Variants in GUSB observed in about 807,000 individuals in gnomAD.
GUSB encodes the protein glucuronidase beta, also known as beta-glucuronidase.
Under a neutral mutation model 74.6 loss-of-function variants are expected in GUSB, and 51 were observed. That is an observed-to-expected ratio of 0.68 (90% CI 0.55 to 0.86). The LOEUF is 0.86. GUSB is among the 40% of genes least tolerant of loss of function. The probability of loss-of-function intolerance (pLI) is 0.00; values close to 1 mark genes in which losing one functional copy is unlikely to be tolerated. For synonymous variants in GUSB, 360 were observed against 348.3 expected (o/e 1.03, Z -0.37); for missense variants, 736 against 853.7 (o/e 0.86, Z 1.72).
At chr7:65,966,559 G>C (rs971707352) in intron 10 of GUSB, among the ~76,000 whole-genome samples, 2 of 152,186 alleles carry the variant, frequency 1.3e-5, no homozygotes, top group Non-Finnish European at 2.9e-5. Flanking sequence ...TTGGGAGTCT[G>C]AGGCAGGACA....
intron 9 of GUSB, among the ~76,000 whole-genome samples, chr7:65,968,490 C>T (rs1232645616): frequency 6.6e-6 from 1 of 152,188 alleles, no homozygotes; most frequent in Non-Finnish European, 1.5e-5. Flanking sequence ...GGAACTGACT[C>T]CTCTCCAGGC....
chr7:65,975,034 G>C lies in GUSB; in HGVS notation c.950C>G (p.Ser317Cys). 1.2e-6 allele frequency: 2 copies of C among 1,613,512 alleles called. No homozygotes were observed. The highest frequency in any genetic ancestry group is 1.7e-6 in the Non-Finnish European group (2 of 1,179,522). ...CCCCACAGGGAGTGTGTAGAAGTCAGACACAGGCCCCAGTGACGTCTGTGC... is the reference window on the plus strand; with the variant it reads ...CCCCACAGGGAGTGTGTAGAAGTCACACACAGGCCCCAGTGACGTCTGTGC... Reference protein sequence around the residue: ...LTAQTSLGPVSDFYTLPVGIR... With the variant: ...LTAQTSLGPVCDFYTLPVGIR... Residue 317 changes from serine to cysteine, a missense_variant, in exon 6 of 12, where the codon TCT (serine) becomes TGT (cysteine). Transcript: ENST00000304895.
At chr7:65,966,854 G>A (rs1433721288) in intron 10 of GUSB, among the ~76,000 whole-genome samples, 3 of 152,182 alleles carry the variant, frequency 2.0e-5, no homozygotes, top group Admixed American at 6.5e-5. Flanking sequence ...GGCCAAGGCA[G>A]GAAGATCAAT....
At chr7:65,976,514 T>C (rs920824589) in intron 4 of GUSB, among the ~76,000 whole-genome samples, 3 of 151,840 alleles carry the variant, frequency 2.0e-5, no homozygotes. Context: ...TTAGTAGAGA[T>C]GGGTTTTGTC....
In GUSB at chr7:65,966,170, C is replaced by CA. The variant is rs746794550; in HGVS notation, c.1653+1560dup. ...AGGCAACGAGAGCGAAACTCTGTGT[C>CA]AAAAAAAAAAAAAGAATTCAGAGCT... On this transcript the variant is annotated intron_variant, in intron 10 of 11. Coordinates refer to ENST00000304895, the MANE Select transcript of GUSB (RefSeq NM_000181.4). Among the ~76,000 whole-genome samples the CA allele has an allele frequency of 8.1e-3, 1,077 of 133,234 alleles. 5 individuals are homozygous for CA. The highest frequency in any genetic ancestry group is 0.019 in the Middle Eastern group (5 of 266). 87.4% of individuals were successfully genotyped at this position (133,234 alleles called of 152,430 possible). A position where few individuals can be genotyped will look rare whatever the true frequency, so the allele number is the denominator to read the frequency against.
In GUSB at chr7:65,979,660, C is replaced by T. The variant is rs1240113756; in HGVS notation, c.581+67G>A. On this transcript the variant is annotated intron_variant, in intron 3 of 11. Transcript: ENST00000304895. ...CCACTCTGTGAAGGCCACCCAGTCC[C>T]TACCAGGAAGACCACAGGGTGGGGC... 1.3e-5 allele frequency: 20 copies of T among 1,591,948 alleles called. No individual in the cohort carries two copies. In the East Asian group the frequency reaches 4.2e-4, roughly 34 times the overall value.
At chr7:65,970,914 GAA>G (rs768375219) in intron 8 of GUSB, among the ~76,000 whole-genome samples, 1 of 140,054 alleles carries the variant, frequency 7.1e-6, no homozygotes, top group African/African-American at 2.6e-5. Context: ...AAACAAAGGG[GAA>G]AAAAAAAAAA....
At chr7:65,971,174 G>A (rs1002042558) in intron 8 of GUSB, among the ~76,000 whole-genome samples, 3 of 152,184 alleles carry the variant, frequency 2.0e-5, no homozygotes, top group East Asian at 1.9e-4. Flanking sequence ...GCAGATTTGG[G>A]AGGGATATTT....
At chr7:65,970,706 G>A (rs1036545866) in intron 8 of GUSB, among the ~76,000 whole-genome samples, 8 of 151,986 alleles carry the variant, frequency 5.3e-5, no homozygotes, top group Admixed American at 1.3e-4. Flanking sequence ...ATCCTAACAC[G>A]GTGAAACCCC....
At chr7:65,976,331 ATTTTTT>A in intron 4 of GUSB, 129 bp from the exon 5 acceptor site, 1 of 562,442 alleles carries the variant, frequency 1.8e-6, no homozygotes. Context: ...TTAATTTCTT[ATTTTTT>A]TTTTTTGAGA....
chr7:65,978,455 AAAAAC>A (rs956737536), intron 4 of GUSB, among the ~76,000 whole-genome samples: 7 of 150,838 alleles, frequency 4.6e-5, no homozygotes, highest in Non-Finnish European at 8.8e-5. Flanking sequence ...CTCAAAAACA[AAAAAC>A]AAAAACAAAA....
Position 65,976,176 on chromosome 7 carries a change from T to G in GUSB, c.751A>C (p.Lys251Gln). Residue 251 changes from lysine to glutamine, a missense_variant, in exon 5 of 12, where the codon AAG (lysine) becomes CAG (glutamine). By Grantham distance (53) the Lys-to-Gln change is moderately conservative. Transcript: ENST00000304895. ...SGLVNYQISV[K>Q]GSNLFKLEVR... ...TCCAACTTGAACAGGTTACTGCCCT[T>G]GACAGAGATCTGGTAATTCACCAGC... 6.2e-7 allele frequency: 1 copy of G among 1,613,264 alleles called. No homozygotes were observed. The highest frequency in any genetic ancestry group is 8.5e-7 in the Non-Finnish European group (1 of 1,179,738).
At chr7:65,967,154 A>G (rs1790890091) in intron 10 of GUSB, among the ~76,000 whole-genome samples, 1 of 152,078 alleles carries the variant, frequency 6.6e-6, no homozygotes, top group Non-Finnish European at 1.5e-5. Context: ...AGCCAATGAC[A>G]GGACTCCCAA....
At position 65,974,396 on chromosome 7, in the gene GUSB, C is replaced by T; in HGVS notation, c.1290G>A (p.Met430Ile). 3 of 1,614,210 alleles carry T rather than the reference C, an allele frequency of 1.9e-6. No individual in the cohort carries two copies. Among genetic ancestry groups the T allele is most frequent in the East Asian group, 2.2e-5 (1 of 44,874 alleles). Residue 430 changes from methionine to isoleucine, a missense_variant, in exon 8 of 12, where the codon ATG (methionine) becomes ATA (isoleucine). Physicochemically the swap from Met to Ile is conservative, Grantham distance 10. This residue lies in a region of GUSB where 368 missense variants were observed against 489.9 expected (regional missense o/e 0.75). Transcript: ENST00000304895. The part of the protein sequence containing the change: ...NVSLHHHMQV[M>I]EEVVRRDKNH... ...TCTTGTCCCTACGCACCACTTCTTCCATCACCTGCATGTGGTGATGCAGAG... is the reference window on the plus strand; with the variant it reads ...TCTTGTCCCTACGCACCACTTCTTCTATCACCTGCATGTGGTGATGCAGAG...
chr7:65,971,610 G>GAC (rs985258955), intron 8 of GUSB, among the ~76,000 whole-genome samples: 97 of 151,936 alleles, frequency 6.4e-4, no homozygotes, highest in African/African-American at 2.3e-3. Flanking sequence ...CATGCGCCTG[G>GAC]AATCCCAGCT....
chr7:65,972,828 CCT>C (rs765166608), intron 8 of GUSB, among the ~76,000 whole-genome samples: 1 of 152,182 alleles, frequency 6.6e-6, no homozygotes, highest in Non-Finnish European at 1.5e-5. Context: ...TGAGCACACC[CCT>C]GTGCCCCCAA....
At chr7:65,966,766 A>G (rs1016215048) in intron 10 of GUSB, among the ~76,000 whole-genome samples, 2 of 152,036 alleles carry the variant, frequency 1.3e-5, no homozygotes, top group Non-Finnish European at 2.9e-5. Flanking sequence ...CCTGGGCAAC[A>G]CAACAAGACC....
rs1162140939 is a variant in GUSB, at chr7:65,979,126, G to A, written c.724+273C>T. Among the ~76,000 whole-genome samples the A allele has an allele frequency of 2.0e-5, 3 of 152,142 alleles. No individual in the cohort carries two copies. The East Asian group carries it at 5.8e-4, about 29-fold the overall frequency. On this transcript the variant is annotated intron_variant, in intron 4 of 11. Transcript: ENST00000304895. ...ACGATGTGTAGCAAGGGGAGATGGAGTGAGAGTAGCACCATAGAGAAGGGA... is the reference window on the plus strand; with the variant it reads ...ACGATGTGTAGCAAGGGGAGATGGAATGAGAGTAGCACCATAGAGAAGGGA...
At chr7:65,964,006 A>G in intron 11 of GUSB, 1 of 405,950 alleles carries the variant, frequency 2.5e-6, no homozygotes, top group South Asian at 2.1e-5. Context: ...AAGTAAATCC[A>G]TGATGAGGTC....
Sources: allele counts gnomAD v4.1 joint callset (sites outside exome capture counted in the v4.1 genomes callset), GRCh38; gene constraint gnomAD v4.1.1; regional missense constraint gnomAD v4.1.1; transcripts MANE v1.5; gene names NCBI Gene and HGNC (gene_info 2026-07-23, HGNC 2026-07-21).